The following CNTN4 variants were observed in gnomAD, a reference collection of about 807,000 sequenced individuals.
CNTN4 encodes the protein contactin-4.
CNTN4 carries 77 observed loss-of-function variants against 122.5 expected under a neutral mutation model. The ratio of observed to expected loss-of-function variants is 0.63; its 90% CI spans 0.52 to 0.76. The LOEUF is 0.76. CNTN4 is among the 30% of genes least tolerant of loss of function. CNTN4 has a pLI of 0.00. For synonymous variants in CNTN4, 512 were observed against 447.0 expected, an observed-to-expected ratio of 1.15 and a Z score of -1.83; for missense variants, 1,256 against 1,259.1, an observed-to-expected ratio of 1.00 and a Z score of 0.04.
At chr3:2,404,514 C>T (rs1332799950) in intron 3 of CNTN4, among the ~76,000 whole-genome samples, 1 of 152,136 alleles carries the variant, frequency 6.6e-6, no homozygotes, top group Non-Finnish European at 1.5e-5. Context: ...TCTGCTCTCC[C>T]TTTCTACCTC....
At chr3:2,130,023 T>C (rs2034376489) in intron 2 of CNTN4, among the ~76,000 whole-genome samples, 1 of 152,116 alleles carries the variant, frequency 6.6e-6, no homozygotes, top group South Asian at 2.1e-4. Context: ...TAAGAAATTA[T>C]TTTAAAAGAT....
intron 4 of CNTN4, among the ~76,000 whole-genome samples, chr3:2,609,330 A>C (rs1280992198): frequency 6.6e-6 from 1 of 152,214 alleles, no homozygotes; most frequent in African/African-American, 2.4e-5. Flanking sequence ...ATGTGAGGAC[A>C]CGGTATTCAA....
chr3:2,117,375 C>A (rs1262474235), intron 2 of CNTN4, among the ~76,000 whole-genome samples: 2 of 152,200 alleles, frequency 1.3e-5, no homozygotes, highest in Admixed American at 1.3e-4. Context: ...GGCACACTAC[C>A]CTCCAGGAAC....
intron 2 of CNTN4, among the ~76,000 whole-genome samples, chr3:2,243,122 C>T (rs140226975): frequency 9.2e-5 from 14 of 152,204 alleles, no homozygotes; most frequent in Admixed American, 2.0e-4. Flanking sequence ...GTTCTCCCTC[C>T]ATGGAATGTA....
intron 3 of CNTN4, among the ~76,000 whole-genome samples, chr3:2,496,949 A>G (rs1018425346): frequency 6.6e-6 from 1 of 152,158 alleles, no homozygotes; most frequent in Non-Finnish European, 1.5e-5. Flanking sequence ...CTAAAGGCAG[A>G]CAAAGATGGA....
chr3:2,539,121 C>G (rs1278220154), intron 3 of CNTN4, among the ~76,000 whole-genome samples: 1 of 151,972 alleles, frequency 6.6e-6, no homozygotes, highest in Non-Finnish European at 1.5e-5. Context: ...CTTTGTTGAT[C>G]TTCTGTAATT....
chr3:2,342,508 A>G (rs894807994), intron 3 of CNTN4, among the ~76,000 whole-genome samples: 1 of 152,142 alleles, frequency 6.6e-6, no homozygotes, highest in Non-Finnish European at 1.5e-5. Context: ...CCCCACCCAA[A>G]TCTCATCTTG....
intron 3 of CNTN4, among the ~76,000 whole-genome samples, chr3:2,359,532 A>T (rs908531007): frequency 3.3e-5 from 5 of 152,008 alleles, no homozygotes; most frequent in Non-Finnish European, 7.4e-5. Context: ...AATCATGTAT[A>T]TATGATTTTG....
chr3:2,727,531 G>A (rs188574152), intron 4 of CNTN4, among the ~76,000 whole-genome samples: 10 of 152,274 alleles, frequency 6.6e-5, no homozygotes, highest in Admixed American at 2.6e-4. Context: ...TAAGATCAGG[G>A]TCAGAGTAGG....
At chr3:2,935,682 AC>A (rs1245566642) in intron 13 of CNTN4, among the ~76,000 whole-genome samples, 1 of 152,164 alleles carries the variant, frequency 6.6e-6, no homozygotes, top group African/African-American at 2.4e-5. Context: ...TTTACCAGAG[AC>A]TTTTTTTTAT....
chr3:2,591,427 G>T lies in CNTN4; in HGVS notation c.55+19869G>T, dbSNP rs548572027. On this transcript the variant is annotated intron_variant, in intron 4 of 24. Coordinates refer to ENST00000418658, the MANE Select transcript of CNTN4 (RefSeq NM_175607.3). ...TCGCCCAGGCTGGAGTGCAGTGGCGGGATCTCGGCTCACTGCAAGCTCCGC... is the reference window on the plus strand; with the variant it reads ...TCGCCCAGGCTGGAGTGCAGTGGCGTGATCTCGGCTCACTGCAAGCTCCGC... Among the ~76,000 whole-genome samples the T allele has an allele frequency of 1.4e-4, 6 of 44,290 alleles. 1 individual carries two copies. The highest frequency in any genetic ancestry group is 1.1e-3 in the Admixed American group (5 of 4,742). The allele number at this position is 44,290 out of a possible 152,430, so 29.1% of individuals were successfully genotyped here. A position where few individuals can be genotyped will look rare whatever the true frequency, so the allele number is the denominator to read the frequency against.
intron 4 of CNTN4, among the ~76,000 whole-genome samples, chr3:2,605,209 C>G (rs1263090616): frequency 2.6e-5 from 4 of 152,256 alleles, no homozygotes; most frequent in African/African-American, 9.6e-5. Context: ...GCTATGTTGA[C>G]AAGGCTGGTT....
intron 3 of CNTN4, among the ~76,000 whole-genome samples, chr3:2,452,908 C>G (rs991244557): frequency 2.6e-5 from 4 of 152,028 alleles, no homozygotes; most frequent in African/African-American, 9.7e-5. Context: ...TCTAAAAAAT[C>G]ACCTTTTTTT....
intron 7 of CNTN4, among the ~76,000 whole-genome samples, chr3:2,836,526 T>G (rs567370279): frequency 2.0e-5 from 3 of 152,246 alleles, no homozygotes; most frequent in Non-Finnish European, 4.4e-5. Flanking sequence ...TTAGGTGTTA[T>G]GTATTCCCAT....
chr3:2,981,404 A>G (rs1254143093), intron 13 of CNTN4, among the ~76,000 whole-genome samples: 1 of 152,064 alleles, frequency 6.6e-6, no homozygotes, highest in Non-Finnish European at 1.5e-5. Flanking sequence ...AGATCGCAGC[A>G]CTGCACTCCA....
intron 4 of CNTN4, among the ~76,000 whole-genome samples, chr3:2,687,142 C>G (rs2085471399): frequency 1.0e-5 from 1 of 97,614 alleles, no homozygotes. Flanking sequence ...ATTTAAATAT[C>G]AAGAGATCTA....
chr3:2,340,717 A>AGAGAGAGAGAGAGAGAGAGGGG (rs2044174627), intron 3 of CNTN4, among the ~76,000 whole-genome samples: 1 of 132,510 alleles, frequency 7.5e-6, no homozygotes, highest in African/African-American at 2.7e-5. Flanking sequence ...ATATAGAGAG[A>AGAGAGAGAGAGAGAGAGAGGGG]GAGAGAGAGA....
chr3:2,819,484 A>C lies in CNTN4; in HGVS notation c.359-2A>C, dbSNP rs777592806. 6.2e-7 allele frequency: 1 copy of C among 1,611,612 alleles called. No individual in the cohort carries two copies. The highest frequency in any genetic ancestry group is 8.5e-7 in the Non-Finnish European group (1 of 1,177,668). On this transcript the variant is annotated splice_acceptor_variant, in intron 6 of 24. Transcript: ENST00000418658. LOFTEE classifies it high-confidence loss of function. ...TGCTTTTTCCCATATTTCTCCCAACAGATCTTGACAACTTTAAAACAAGAA... is the reference window on the plus strand; with the variant it reads ...TGCTTTTTCCCATATTTCTCCCAACCGATCTTGACAACTTTAAAACAAGAA...
intron 2 of CNTN4, among the ~76,000 whole-genome samples, chr3:2,187,102 G>T (rs889717392): frequency 6.6e-6 from 1 of 152,118 alleles, no homozygotes. Context: ...ATAAATTTTT[G>T]TATAAGGTGT....
Sources: gnomAD v4.1 joint callset for allele counts (sites outside exome capture counted in the v4.1 genomes callset) on GRCh38, gnomAD v4.1.1 for gene constraint, MANE v1.5 for transcripts, NCBI Gene and HGNC (gene_info 2026-07-23, HGNC 2026-07-21) for gene names.